Variants in MROH1 observed in about 807,000 individuals in gnomAD.
The protein encoded by MROH1 is maestro heat like repeat family member 1.
In MROH1, 117 loss-of-function variants were observed where a neutral mutation model predicts 116.5. That is an observed-to-expected ratio of 1.00 (90% CI 0.86 to 1.17). The LOEUF is 1.17. Among genes scored for constraint, MROH1 ranks in the 50% most tolerant of loss-of-function variants. The probability of loss-of-function intolerance (pLI) is 0.00; values close to 1 mark genes in which losing one functional copy is unlikely to be tolerated. For missense variants in MROH1, 1,873 were observed against 1,338.5 expected (o/e 1.40, Z -6.23); for synonymous variants, 921 against 583.9 (o/e 1.58, Z -8.32).
chr8:144,172,648 A>G (rs1822792424), intron 4 of MROH1, among the ~76,000 whole-genome samples: 1 of 151,900 alleles, frequency 6.6e-6, no homozygotes, highest in African/African-American at 2.4e-5. Context: ...TGACCTTGTG[A>G]TCTGCCCACC....
chr8:144,187,250 A>G (rs1827430777), intron 7 of MROH1, among the ~76,000 whole-genome samples: 1 of 152,124 alleles, frequency 6.6e-6, no homozygotes, highest in African/African-American at 2.4e-5. Context: ...TGTTTCTAAA[A>G]AAATATAAAA....
intron 14 of MROH1, among the ~76,000 whole-genome samples, chr8:144,228,893 G>A (rs1443765401): frequency 2.0e-5 from 3 of 152,140 alleles, no homozygotes; most frequent in East Asian, 1.9e-4. Context: ...CAAAATGGGC[G>A]TCATTCCTCT....
intron 13 of MROH1, among the ~76,000 whole-genome samples, chr8:144,221,880 C>A (rs1376564798): frequency 6.6e-6 from 1 of 152,070 alleles, no homozygotes; most frequent in African/African-American, 2.4e-5. Context: ...GGGGCAGAGG[C>A]GTGGTCACGA....
chr8:144,173,725 A>G (rs954917351), intron 4 of MROH1, among the ~76,000 whole-genome samples: 24 of 152,150 alleles, frequency 1.6e-4, no homozygotes, highest in Non-Finnish European at 2.8e-4. Flanking sequence ...GCCCAGCCAT[A>G]GGATTCTTCT....
intron 3 of MROH1, among the ~76,000 whole-genome samples, chr8:144,164,720 T>C (rs2130894987): frequency 6.6e-6 from 1 of 152,086 alleles, no homozygotes; most frequent in African/African-American, 2.4e-5. Flanking sequence ...TGAATGAACA[T>C]GCTCTCTCCA....
At chr8:144,247,120 G>A (rs911772031) in intron 29 of MROH1, among the ~76,000 whole-genome samples, 181 bp from the exon 30 acceptor site, 38 of 152,292 alleles carry the variant, frequency 2.5e-4, no homozygotes, top group Non-Finnish European at 4.4e-4. Context: ...CAGCGCCCAC[G>A]CTGCAGCAGG....
At chr8:144,232,866 A>G (rs1839216211) in intron 14 of MROH1, among the ~76,000 whole-genome samples, 1 of 150,462 alleles carries the variant, frequency 6.6e-6, no homozygotes, top group Non-Finnish European at 1.5e-5. Flanking sequence ...TTGCTTTGTT[A>G]CCCAGGTTGG....
rs1828442895 is a variant in MROH1, at chr8:144,190,991, C to T, written c.714+56C>T. Reference sequence around the variant, plus strand: ...TGATGCCAGGGCTCTCTCCTCCCCACATTCCCTGCCCGTGGCAAATTGATC... The same window carrying T: ...TGATGCCAGGGCTCTCTCCTCCCCATATTCCCTGCCCGTGGCAAATTGATC... On this transcript the variant is annotated intron_variant, in intron 8 of 43. Coordinates refer to ENST00000326134, the MANE Select transcript of MROH1 (RefSeq NM_032450.3). 5.2e-6 allele frequency: 8 copies of T among 1,545,730 alleles called. No homozygotes were observed. The East Asian group carries it at 9.3e-5, about 18-fold the overall frequency.
chr8:144,244,191 C>A (rs1436887808), intron 26 of MROH1, 31 bp from the exon 27 acceptor site: 4 of 715,558 alleles, frequency 5.6e-6, no homozygotes, highest in Non-Finnish European at 1.0e-5. Flanking sequence ...GCCTTAGGAT[C>A]ATTGTCTGGG....
chr8:144,163,738 A>C lies in MROH1; in HGVS notation c.-56-33A>C. 1 of 1,386,776 alleles carries C rather than the reference A, an allele frequency of 7.2e-7. No individual in the cohort carries two copies. The highest frequency in any genetic ancestry group is 1.0e-6 in the Non-Finnish European group (1 of 982,630). The allele number at this position is 1,386,776 out of a possible 1,614,324, so 85.9% of individuals were successfully genotyped here. A position where few individuals can be genotyped will look rare whatever the true frequency, so the allele number is the denominator to read the frequency against. On this transcript the variant is annotated intron_variant, in intron 2 of 43. Coordinates refer to ENST00000326134, the MANE Select transcript of MROH1 (RefSeq NM_032450.3). The surrounding 1 kb of genome is among the most constrained non-coding windows in gnomAD (Gnocchi z 4.4). ...GTGAACTCAGATATCGTAGAGGCTTATGAATTAAATCTTGTGATTTTGGTT... is the reference window on the plus strand; with the variant it reads ...GTGAACTCAGATATCGTAGAGGCTTCTGAATTAAATCTTGTGATTTTGGTT...
chr8:144,247,780 G>T (rs1842148846), intron 31 of MROH1, 101 bp downstream of exon 31: 1 of 697,790 alleles, frequency 1.4e-6, no homozygotes, highest in Non-Finnish European at 2.6e-6. Flanking sequence ...CTCTGGAAGT[G>T]CCACCCATGG....
intron 28 of MROH1, 71 bp from the exon 29 acceptor site, chr8:144,245,085 C>T (rs1841661982): frequency 1.3e-6 from 1 of 776,796 alleles, no homozygotes; most frequent in South Asian, 1.3e-5. Context: ...TGAGCTGGCC[C>T]ACGATGCACA....
chr8:144,157,759 C>T (rs1419825266), intron 1 of MROH1, among the ~76,000 whole-genome samples: 5 of 146,268 alleles, frequency 3.4e-5, no homozygotes, highest in African/African-American at 1.3e-4. Flanking sequence ...CTCACTGCTA[C>T]CTCTGTTTCC....
chr8:144,214,713 G>T (rs1184025079), intron 12 of MROH1, among the ~76,000 whole-genome samples: 1 of 152,074 alleles, frequency 6.6e-6, no homozygotes, highest in Non-Finnish European at 1.5e-5. Context: ...GGAGGCAACT[G>T]CTCATGGCTC....
chr8:144,253,887 C>CTGTCCAGGAAGCCACTGCCTGCT (rs1156563572), intron 33 of MROH1, among the ~76,000 whole-genome samples: 98 of 152,190 alleles, frequency 6.4e-4, no homozygotes, highest in African/African-American at 2.2e-3. Context: ...AGCACCGCAT[C>CTGTCCAGGAAGCCACTGCCTGCT]TGTCCAGGAA....
At chr8:144,236,605 T>C (rs1228705766) in intron 14 of MROH1, among the ~76,000 whole-genome samples, 1 of 151,508 alleles carries the variant, frequency 6.6e-6, no homozygotes, top group Non-Finnish European at 1.5e-5. Context: ...TAGCCAGGTA[T>C]GGTGGTGGGC....
chr8:144,238,338 G>A (rs1204667166), intron 14 of MROH1, among the ~76,000 whole-genome samples: 5 of 152,124 alleles, frequency 3.3e-5, no homozygotes, highest in East Asian at 1.9e-4. Flanking sequence ...TTACAGGGAC[G>A]CCTTCTGGGG....
intron 34 of MROH1, 61 bp downstream of exon 34, chr8:144,255,039 C>CG (rs1166574826): frequency 5.8e-6 from 4 of 692,500 alleles, no homozygotes; most frequent in Non-Finnish European, 2.6e-6. Context: ...CCTGGGTGCC[C>CG]GGGGGCAGGC....
intron 1 of MROH1, among the ~76,000 whole-genome samples, chr8:144,149,385 G>A (rs1040968852): frequency 2.0e-5 from 3 of 152,162 alleles, no homozygotes; most frequent in Admixed American, 6.5e-5. Flanking sequence ...GCTGTGGCTT[G>A]TGGAGACCTG....
Sources: gnomAD v4.1 joint callset for allele counts (sites outside exome capture counted in the v4.1 genomes callset) on GRCh38, gnomAD v4.1.1 for gene constraint, Gnocchi (gnomAD v3.1) non-coding constraint, MANE v1.5 for transcripts, NCBI Gene and HGNC (gene_info 2026-07-23, HGNC 2026-07-21) for gene names.